ACYP2: variants seen among roughly 807,000 people sequenced by gnomAD.
ACYP2 encodes the protein acylphosphatase 2.
ACYP2 carries 12 observed loss-of-function variants against 11.2 expected under a neutral mutation model. The observed-to-expected ratio is 1.08, with a 90% CI of 0.69 to 1.74. ACYP2 has a LOEUF of 1.74. ACYP2 is among the 40% of genes most tolerant of loss of function. ACYP2 has a pLI of 0.00. For synonymous variants in ACYP2, 43 were observed against 32.2 expected, an observed-to-expected ratio of 1.33 and a Z score of -1.13; for missense variants, 134 against 101.9, an observed-to-expected ratio of 1.31 and a Z score of -1.35.
chr2:54,021,487 T>C (rs1348718260), intron 2 of ACYP2, among the ~76,000 whole-genome samples: 2 of 152,222 alleles, frequency 1.3e-5, no homozygotes, highest in African/African-American at 4.8e-5. Flanking sequence ...GAATTTATTA[T>C]ATCCTACAGT....
At chr2:54,286,668 T>A (rs940380401) in intron 6 of ACYP2, among the ~76,000 whole-genome samples, 1 of 152,092 alleles carries the variant, frequency 6.6e-6, no homozygotes, top group African/African-American at 2.4e-5. Context: ...ATTAAGGATT[T>A]ATACTTCCAT....
Position 54,280,837 on chromosome 2 carries a change from AAG to A in ACYP2, c.405-23847_405-23846del, listed in dbSNP as rs537938773. The stretch of plus-strand genomic sequence containing the variant: ...TTAAGAAACTTAATCGATAGGAAGA[AAG>A]AGAAATGAGATGGTAACTGGAAGAT... On this transcript the variant is annotated intron_variant, in intron 6 of 6. Transcript: ENST00000607452. 4.6e-5 allele frequency among the ~76,000 whole-genome samples: 7 copies of A among 152,286 alleles called. No individual in the cohort carries two copies. The South Asian group carries it at 1.5e-3, about 32-fold the overall frequency.
chr2:54,094,740 G>A (rs1315942718), intron 4 of ACYP2, among the ~76,000 whole-genome samples: 4 of 151,472 alleles, frequency 2.6e-5, no homozygotes, highest in Non-Finnish European at 5.9e-5. Context: ...GTTTCACCAC[G>A]TTGGCCTGAC....
At chr2:54,142,939 C>A (rs1412695786) in intron 6 of ACYP2, 4 of 152,042 alleles carry the variant, frequency 2.6e-5, no homozygotes, top group Admixed American at 2.6e-4. Flanking sequence ...ATATGGATTT[C>A]TTTCCCATTT....
chr2:54,021,185 T>C (rs1193651613), intron 2 of ACYP2, among the ~76,000 whole-genome samples: 1 of 152,112 alleles, frequency 6.6e-6, no homozygotes, highest in Non-Finnish European at 1.5e-5. Context: ...GGTGAGTAGT[T>C]TGGCACGAAG....
chr2:54,162,345 A>G (rs1682756087), intron 6 of ACYP2, among the ~76,000 whole-genome samples: 1 of 152,232 alleles, frequency 6.6e-6, no homozygotes, highest in Admixed American at 6.5e-5. Flanking sequence ...ACCTTCTTGT[A>G]ACATAAATGA....
intron 3 of ACYP2, chr2:54,051,882 T>TA (rs1675883831): frequency 7.7e-6 from 2 of 258,236 alleles, no homozygotes; most frequent in South Asian, 4.2e-5. Context: ...CTGCCTTTAC[T>TA]AAAAAAATAC....
At chr2:54,186,451 A>C (rs142464853) in intron 6 of ACYP2, among the ~76,000 whole-genome samples, 81 of 152,316 alleles carry the variant, frequency 5.3e-4, no homozygotes, top group Middle Eastern at 3.4e-3. Context: ...ACGTATAGAA[A>C]TATGTACCTA....
At position 54,304,739 on chromosome 2, in the gene ACYP2, A is replaced by G. The variant is rs1203198087; in HGVS notation, c.456A>G (p.Thr152=). 6.2e-7 allele frequency: 1 copy of G among 1,612,376 alleles called. No homozygotes were observed. The highest frequency in any genetic ancestry group is 2.2e-5 in the East Asian group (1 of 44,836). Residue 152 remains threonine (T), a synonymous_variant, in exon 7 of 7, where the codon ACA becomes ACG. Coordinates refer to ENST00000607452, the MANE Select transcript of ACYP2 (RefSeq NM_001320586.2). Reference sequence around the variant, plus strand: ...GCCCTAGTTCTCGCATTGACCGCACAAACTTTTCTAATGAAAAAACCATCT... The same window carrying G: ...GCCCTAGTTCTCGCATTGACCGCACGAACTTTTCTAATGAAAAAACCATCT...
At chr2:54,201,680 T>TTCTTTCTTTCTTTC (rs1395606887) in intron 6 of ACYP2, among the ~76,000 whole-genome samples, 48 of 107,358 alleles carry the variant, frequency 4.5e-4, no homozygotes, top group Non-Finnish European at 5.4e-4. Context: ...CTTTCTTTCT[T>TTCTTTCTTTCTTTC]TCTCTCTCTC....
chr2:54,187,365 C>A (rs1684057553), intron 6 of ACYP2, among the ~76,000 whole-genome samples: 1 of 152,134 alleles, frequency 6.6e-6, no homozygotes, highest in South Asian at 2.1e-4. Context: ...TCTGTACTTC[C>A]TTGGTGTAGT....
intron 6 of ACYP2, among the ~76,000 whole-genome samples, chr2:54,246,276 C>T (rs759229443): frequency 9.9e-5 from 15 of 151,996 alleles, no homozygotes; most frequent in Non-Finnish European, 2.1e-4. Context: ...GACCCCTACC[C>T]TTCTCCAATT....
At chr2:54,288,723 C>T (rs1158229999) in intron 6 of ACYP2, among the ~76,000 whole-genome samples, 3 of 151,996 alleles carry the variant, frequency 2.0e-5, no homozygotes, top group South Asian at 2.1e-4. Context: ...ACCGATGTAA[C>T]GGTGCCTTGT....
chr2:54,182,354 T>C (rs577685618), intron 6 of ACYP2, among the ~76,000 whole-genome samples: 4 of 151,956 alleles, frequency 2.6e-5, no homozygotes, highest in African/African-American at 9.6e-5. Context: ...AATTTTGTTG[T>C]TGTTGTTGAC....
chr2:54,232,675 C>G (rs1375297381), intron 6 of ACYP2, among the ~76,000 whole-genome samples: 1 of 152,070 alleles, frequency 6.6e-6, no homozygotes, highest in Non-Finnish European at 1.5e-5. Flanking sequence ...TTCTGCATGG[C>G]TGGGGAGGCC....
At chr2:53,971,611 C>G (rs1671123553) in intron 1 of ACYP2, among the ~76,000 whole-genome samples, 1 of 152,134 alleles carries the variant, frequency 6.6e-6, no homozygotes, top group Admixed American at 6.5e-5. Context: ...TGGTTTCCGC[C>G]CTCCCAAGGA....
intron 2 of ACYP2, among the ~76,000 whole-genome samples, chr2:54,036,187 C>T (rs909072387): frequency 5.3e-5 from 8 of 152,126 alleles, no homozygotes; most frequent in South Asian, 2.1e-4. Flanking sequence ...CTCTGCCTGC[C>T]GGGTTCAAGC....
rs566852326 is a variant in ACYP2, at chr2:54,270,539, C to T, written c.405-34149C>T. ...GGGAAGATCATTTGAGCTCAGTAGACGAGGCTACAGTGAGCCATGATCACA... is the reference window on the plus strand; with the variant it reads ...GGGAAGATCATTTGAGCTCAGTAGATGAGGCTACAGTGAGCCATGATCACA... On this transcript the variant is annotated intron_variant, in intron 6 of 6. Transcript: ENST00000607452. 2.7e-3 allele frequency among the ~76,000 whole-genome samples: 405 copies of T among 152,060 alleles called. 2 individuals carry two copies. Among genetic ancestry groups the T allele is most frequent in the South Asian group, 5.4e-3 (26 of 4,820 alleles).
At chr2:54,176,683 C>T (rs1683473953) in intron 6 of ACYP2, among the ~76,000 whole-genome samples, 1 of 152,164 alleles carries the variant, frequency 6.6e-6, no homozygotes, top group African/African-American at 2.4e-5. Flanking sequence ...TCATCCCCAC[C>T]TCTACCTTCA....
Sources: allele counts gnomAD v4.1 joint callset (sites outside exome capture counted in the v4.1 genomes callset), GRCh38; gene constraint gnomAD v4.1.1; transcripts MANE v1.5; gene names NCBI Gene and HGNC (gene_info 2026-07-23, HGNC 2026-07-21).